Variants in NRG1 observed in about 807,000 individuals in gnomAD.
NRG1 encodes the protein neuregulin 1, also known as pro-neuregulin-1, membrane-bound isoform.
In NRG1, 18 loss-of-function variants were observed where a neutral mutation model predicts 63.8. The observed-to-expected ratio is 0.28, with a 90% CI of 0.19 to 0.42. NRG1 has a LOEUF of 0.42. Ranked by LOEUF, NRG1 falls within the 10% of genes least tolerant of loss-of-function variation. The probability of loss-of-function intolerance (pLI) is 1.00; values close to 1 mark genes in which losing one functional copy is unlikely to be tolerated. For missense variants in NRG1, 762 were observed against 814.7 expected (o/e 0.94, Z 0.79); for synonymous variants, 302 against 301.3 (o/e 1.00, Z -0.02).
intron 1 of NRG1, among the ~76,000 whole-genome samples, chr8:32,447,680 G>T (rs1227123479): frequency 1.3e-5 from 2 of 151,988 alleles, no homozygotes; most frequent in Non-Finnish European, 2.9e-5. Flanking sequence ...ACCAGCATAG[G>T]CAACATAGTG....
chr8:32,448,001 T>C (rs1820485870), intron 1 of NRG1, among the ~76,000 whole-genome samples: 1 of 152,236 alleles, frequency 6.6e-6, no homozygotes, highest in South Asian at 2.1e-4. Context: ...TCATTAACTT[T>C]AGTAGAACAT....
chr8:31,767,921 T>G (rs139388798), intron 1 of NRG1, among the ~76,000 whole-genome samples: 1 of 152,208 alleles, frequency 6.6e-6, no homozygotes, highest in Admixed American at 6.5e-5. Context: ...TTATCACATT[T>G]ATAAAAGAAA....
chr8:32,099,459 G>C (rs1830292526), intron 1 of NRG1: 1 of 152,202 alleles, frequency 6.6e-6, no homozygotes, highest in Admixed American at 6.6e-5. Context: ...AAGGAAGTTG[G>C]TTTGAATGTG....
intron 1 of NRG1, among the ~76,000 whole-genome samples, chr8:31,891,508 C>T (rs771013537): frequency 1.2e-4 from 19 of 152,060 alleles, no homozygotes; most frequent in Admixed American, 1.0e-3. Context: ...GGCAAAGATG[C>T]GGAGAAACTG....
At chr8:31,663,315 T>C (rs1392471087) in intron 1 of NRG1, among the ~76,000 whole-genome samples, 1 of 152,194 alleles carries the variant, frequency 6.6e-6, no homozygotes, top group Admixed American at 6.5e-5. Context: ...TATTCAACTA[T>C]TTATGAAAAT....
intron 1 of NRG1, among the ~76,000 whole-genome samples, chr8:32,113,737 G>A (rs777648318): frequency 2.6e-5 from 4 of 152,202 alleles, no homozygotes; most frequent in Non-Finnish European, 5.9e-5. Context: ...GATGGGTCAA[G>A]ACCGGTAGTT....
At chr8:32,322,976 A>G (rs1274161721) in intron 1 of NRG1, among the ~76,000 whole-genome samples, 2 of 152,070 alleles carry the variant, frequency 1.3e-5, no homozygotes, top group Non-Finnish European at 1.5e-5. Context: ...CCTGGGAACT[A>G]GAAATCTGAG....
intron 5 of NRG1, chr8:32,647,157 T>A (rs1853752518): frequency 1.0e-6 from 1 of 985,282 alleles, no homozygotes; most frequent in Non-Finnish European, 1.2e-6. Flanking sequence ...TGCTGCTCTG[T>A]AATGATTCAG....
chr8:32,619,400 C>A lies in NRG1; in HGVS notation c.502+2515C>A, dbSNP rs150474630. On this transcript the variant is annotated intron_variant, in intron 5 of 11. Coordinates refer to ENST00000356819, the Ensembl canonical transcript of NRG1. Reference sequence around the variant, plus strand: ...AAATATAGAAGATGAGGGCCACAGACCCTGGGGTCTGAGCATGTAGTGCCT... The same window carrying A: ...AAATATAGAAGATGAGGGCCACAGAACCTGGGGTCTGAGCATGTAGTGCCT... 7.0e-4 allele frequency among the ~76,000 whole-genome samples: 106 copies of A among 152,214 alleles called. 2 individuals carry two copies. The East Asian group carries it at 0.02, about 29-fold the overall frequency.
At chr8:32,078,620 A>G (rs1220832743) in intron 1 of NRG1, among the ~76,000 whole-genome samples, 1 of 152,184 alleles carries the variant, frequency 6.6e-6, no homozygotes, top group African/African-American at 2.4e-5. Flanking sequence ...CATTAATATA[A>G]CTGGACCAAA....
chr8:31,915,706 T>C (rs1387267471), intron 1 of NRG1, among the ~76,000 whole-genome samples: 2 of 152,120 alleles, frequency 1.3e-5, no homozygotes, highest in Non-Finnish European at 2.9e-5. Context: ...AGATTCCTAA[T>C]CCAAAGAGGC....
At chr8:32,163,341 G>T (rs1421704178) in intron 1 of NRG1, among the ~76,000 whole-genome samples, 2 of 152,160 alleles carry the variant, frequency 1.3e-5, no homozygotes, top group African/African-American at 4.8e-5. Flanking sequence ...CTAAAGATTG[G>T]CAGGAGCCCA....
At chr8:31,880,022 G>T (rs1830227359) in intron 1 of NRG1, among the ~76,000 whole-genome samples, 1 of 152,042 alleles carries the variant, frequency 6.6e-6, no homozygotes, top group Non-Finnish European at 1.5e-5. Flanking sequence ...ATGAACATTG[G>T]CATGTATGTG....
chr8:31,901,820 G>T (rs550157436), intron 1 of NRG1, among the ~76,000 whole-genome samples: 100 of 152,208 alleles, frequency 6.6e-4, no homozygotes, highest in African/African-American at 2.2e-3. Flanking sequence ...ATCAGTTCCT[G>T]GTTATTGTCA....
intron 1 of NRG1, among the ~76,000 whole-genome samples, chr8:32,326,035 G>C (rs1263517749): frequency 2.1e-5 from 3 of 145,386 alleles, no homozygotes; most frequent in Non-Finnish European, 4.5e-5. Flanking sequence ...TTTTGATATG[G>C]AGTCTCTGTC....
At chr8:31,761,826 A>G (rs994210893) in intron 1 of NRG1, among the ~76,000 whole-genome samples, 2 of 152,216 alleles carry the variant, frequency 1.3e-5, no homozygotes, top group Non-Finnish European at 2.9e-5. Context: ...AAGGAAGCAC[A>G]TGCTGTTGGA....
chr8:32,311,741 G>C (rs1362665766), intron 1 of NRG1, among the ~76,000 whole-genome samples: 1 of 152,154 alleles, frequency 6.6e-6, no homozygotes, highest in East Asian at 1.9e-4. Flanking sequence ...CCAGAACCTA[G>C]CACAATGCCT....
chr8:31,784,688 A>T (rs911547390), intron 1 of NRG1, among the ~76,000 whole-genome samples: 1 of 152,182 alleles, frequency 6.6e-6, no homozygotes, highest in Non-Finnish European at 1.5e-5. Context: ...CTCTCTAATC[A>T]TATGACTTCT....
intron 1 of NRG1, among the ~76,000 whole-genome samples, chr8:32,498,935 G>A (rs1827536211): frequency 6.6e-6 from 1 of 152,118 alleles, no homozygotes; most frequent in South Asian, 2.1e-4. Context: ...AGCATATTTT[G>A]GGGTGGCATA....
Sources: allele counts gnomAD v4.1 joint callset (sites outside exome capture counted in the v4.1 genomes callset), GRCh38; gene constraint gnomAD v4.1.1; transcripts MANE v1.5; gene names NCBI Gene and HGNC (gene_info 2026-07-23, HGNC 2026-07-21).